Variants in IQSEC1 observed in about 807,000 individuals in gnomAD.
The protein encoded by IQSEC1 is IQ motif and SEC7 domain-containing protein 1.
A neutral mutation model predicts 91.0 loss-of-function variants in IQSEC1; 31 were observed. The observed-to-expected ratio is 0.34, with a 90% CI of 0.26 to 0.46. The LOEUF (loss-of-function observed/expected upper bound fraction) is 0.46. Among genes scored for constraint, IQSEC1 ranks in the 20% least tolerant of loss-of-function variants. The pLI is 1.00. For missense variants in IQSEC1, 1,388 were observed against 1,575.6 expected (o/e 0.88, Z 2.02); for synonymous variants, 699 against 662.6 (o/e 1.05, Z -0.84).
intron 1 of IQSEC1, among the ~76,000 whole-genome samples, chr3:13,252,610 G>T (rs978067145): frequency 6.6e-6 from 1 of 152,114 alleles, no homozygotes; most frequent in Non-Finnish European, 1.5e-5. Context: ...ATTTTTTGAG[G>T]AACCACCACA....
At chr3:12,959,441 G>A (rs528372758) in intron 1 of IQSEC1, among the ~76,000 whole-genome samples, 78 of 152,334 alleles carry the variant, frequency 5.1e-4, no homozygotes, top group African/African-American at 1.8e-3. Context: ...AGATGGAAGA[G>A]AAGCGAGTTC....
intron 2 of IQSEC1, among the ~76,000 whole-genome samples, chr3:13,082,083 A>G (rs1705654954): frequency 6.6e-6 from 1 of 152,120 alleles, no homozygotes; most frequent in African/African-American, 2.4e-5. Context: ...GTGGCCCCCG[A>G]GTCGCGCAGG....
At chr3:13,065,243 G>A (rs1236437554) in intron 1 of IQSEC1, among the ~76,000 whole-genome samples, 1 of 152,212 alleles carries the variant, frequency 6.6e-6, no homozygotes, top group Non-Finnish European at 1.5e-5. Flanking sequence ...ACTGCTCTGT[G>A]TCACCAGCTT....
chr3:13,221,527 A>C (rs1158703022), intron 1 of IQSEC1, among the ~76,000 whole-genome samples: 1 of 152,144 alleles, frequency 6.6e-6, no homozygotes, highest in African/African-American at 2.4e-5. Flanking sequence ...GCCTGCGGCC[A>C]AGCCCCTGCC....
intron 1 of IQSEC1, among the ~76,000 whole-genome samples, chr3:13,019,074 C>G (rs551476548): frequency 1.3e-5 from 2 of 152,260 alleles, no homozygotes; most frequent in East Asian, 1.9e-4. Flanking sequence ...ATGGCTCCCC[C>G]CCAACTCTAC....
chr3:12,932,952 C>T lies in IQSEC1; in HGVS notation c.1568+2496G>A, dbSNP rs75209855. Among the ~76,000 whole-genome samples, 1,464 of 152,350 alleles carry T rather than the reference C, an allele frequency of 9.6e-3. 30 individuals carry two copies. Among genetic ancestry groups the T allele is most frequent in the African/African-American group, 0.033 (1,376 of 41,576 alleles). On this transcript the variant is annotated intron_variant, in intron 3 of 13. Coordinates refer to ENST00000613206, the MANE Select transcript of IQSEC1 (RefSeq NM_001134382.3). ...CAACCTACACCACTTTCTCAGGCTT[C>T]GTTTCTGTTCTTCCTCCCCGCTTGC...
Position 12,979,197 on chromosome 3 carries a change from A to G in IQSEC1, c.24-37332T>C, listed in dbSNP as rs893165631. 1.3e-5 allele frequency among the ~76,000 whole-genome samples: 2 copies of G among 152,226 alleles called. No individual in the cohort carries two copies. The highest frequency in any genetic ancestry group is 4.8e-5 in the African/African-American group (2 of 41,450). On this transcript the variant is annotated intron_variant, in intron 1 of 13. Transcript: ENST00000613206. This position sits in a 1 kb window ranked among gnomAD's most constrained non-coding sequence, Gnocchi z 4.3. Reference sequence around the variant, plus strand: ...ACTTTATATCTGCTCCACAAGTGAAAAGCCAGCCTCACTAAGCATAAATTG... The same window carrying G: ...ACTTTATATCTGCTCCACAAGTGAAGAGCCAGCCTCACTAAGCATAAATTG...
chr3:13,142,155 G>A (rs182461309), intron 2 of IQSEC1, among the ~76,000 whole-genome samples: 3 of 152,370 alleles, frequency 2.0e-5, no homozygotes, highest in African/African-American at 7.2e-5. Context: ...GTGCTGAAGC[G>A]CAGCTCTATG....
chr3:12,947,776 C>T (rs62242677), intron 1 of IQSEC1, among the ~76,000 whole-genome samples: 3,812 of 152,360 alleles, frequency 0.025, 58 homozygotes, highest in South Asian at 0.099. Context: ...GTGAGCCCTC[C>T]TTTCCCAGAC....
At chr3:12,953,606 G>A (rs1403897584) in intron 1 of IQSEC1, among the ~76,000 whole-genome samples, 2 of 152,364 alleles carry the variant, frequency 1.3e-5, no homozygotes, top group East Asian at 3.9e-4. Flanking sequence ...GCAGCTGCTG[G>A]AGAGATGGGC....
At chr3:13,021,556 T>G (rs1286706452) in intron 1 of IQSEC1, among the ~76,000 whole-genome samples, 3 of 152,190 alleles carry the variant, frequency 2.0e-5, no homozygotes, top group African/African-American at 7.2e-5. Flanking sequence ...CCACTAACAA[T>G]GCCAAAGCCA....
rs550985656 is a variant in IQSEC1 at position 13,246,110 on chromosome 3, C to T, written c.272+36601G>A. On this transcript the variant is annotated intron_variant, in intron 1 of 15. Transcript: ENST00000648114. ...AATATTAACTAAATAGTAGTGCATC[C>T]GAGCATCCATCAATGGATGAATATA... is the stretch of plus-strand genomic sequence containing the variant. 1.3e-4 allele frequency among the ~76,000 whole-genome samples: 20 copies of T among 152,260 alleles called. No individual in the cohort carries two copies. In the South Asian group the frequency reaches 3.1e-3, roughly 24 times the overall value.
intron 2 of IQSEC1, among the ~76,000 whole-genome samples, chr3:12,939,705 T>C (rs1310003320): frequency 6.6e-6 from 1 of 152,202 alleles, no homozygotes; most frequent in East Asian, 1.9e-4. Context: ...CGGCAGCCTT[T>C]ACATCAGCTG....
At chr3:13,022,344 C>T in intron 1 of IQSEC1, 1 of 1,184,524 alleles carries the variant, frequency 8.4e-7, no homozygotes, top group Non-Finnish European at 1.0e-6. Flanking sequence ...TGCCCTGGTC[C>T]TGTCTAGCTG....
At chr3:13,240,766 A>AC (rs1368326873) in intron 1 of IQSEC1, among the ~76,000 whole-genome samples, 11 of 152,136 alleles carry the variant, frequency 7.2e-5, no homozygotes, top group Non-Finnish European at 1.2e-4. Flanking sequence ...TCCATGAAAG[A>AC]CCCGGGAGGA....
At chr3:13,150,999 C>T (rs1467731725) in intron 2 of IQSEC1, among the ~76,000 whole-genome samples, 1 of 152,214 alleles carries the variant, frequency 6.6e-6, no homozygotes, top group African/African-American at 2.4e-5. Flanking sequence ...CTGCCCTCAT[C>T]CTCCTGGGCC....
At chr3:13,162,367 G>A (rs1387208921) in intron 2 of IQSEC1, among the ~76,000 whole-genome samples, 1 of 152,210 alleles carries the variant, frequency 6.6e-6, no homozygotes, top group African/African-American at 2.4e-5. Flanking sequence ...TCCTGAGCCT[G>A]CAGCCCCTCC....
chr3:13,015,283 G>A (rs1213136137), intron 1 of IQSEC1, among the ~76,000 whole-genome samples: 1 of 152,142 alleles, frequency 6.6e-6, no homozygotes, highest in Non-Finnish European at 1.5e-5. Context: ...TGGGCTGCGG[G>A]GCCCTGGTTC....
rs574942487 is a variant in IQSEC1 at position 12,908,711 on chromosome 3, G to A, written c.2579-186C>T. Among the ~76,000 whole-genome samples, 10 of 152,142 alleles carry A rather than the reference G, an allele frequency of 6.6e-5. No homozygotes were observed. Among genetic ancestry groups the A allele is most frequent in the Admixed American group, 1.3e-4 (2 of 15,290 alleles). On this transcript the variant is annotated intron_variant, in intron 11 of 13. Transcript: ENST00000613206. This position sits in a 1 kb window ranked among gnomAD's most constrained non-coding sequence, Gnocchi z 4.9. ...AAAGAGCAGAAAGGAGATCCCAGGA[G>A]GGAGGCTAGAGAGACCAGAGGGCCT...
Sources: gnomAD v4.1 joint callset for allele counts (sites outside exome capture counted in the v4.1 genomes callset) on GRCh38, gnomAD v4.1.1 for gene constraint, Gnocchi (gnomAD v3.1) non-coding constraint, MANE v1.5 for transcripts, NCBI Gene and HGNC (gene_info 2026-07-23, HGNC 2026-07-21) for gene names.